NUP93: variants seen among roughly 807,000 people sequenced by gnomAD.
The protein encoded by NUP93 is nucleoporin 93.
A neutral mutation model predicts 107.8 loss-of-function variants in NUP93; 55 were observed. The ratio of observed to expected loss-of-function variants is 0.51; its 90% CI spans 0.41 to 0.64. The LOEUF is 0.64. Ranked by LOEUF, NUP93 falls within the 30% of genes least tolerant of loss-of-function variation. The pLI is 0.00. For missense variants in NUP93, 937 were observed against 1,044.7 expected, an observed-to-expected ratio of 0.90 and a Z score of 1.42; for synonymous variants, 390 against 397.5, an observed-to-expected ratio of 0.98 and a Z score of 0.22.
intron 7 of NUP93, among the ~76,000 whole-genome samples, chr16:56,823,131 C>T (rs1366357057): frequency 8.5e-5 from 13 of 152,250 alleles, no homozygotes; most frequent in South Asian, 6.2e-4. Flanking sequence ...AAAGAACACC[C>T]GCTCCTTTCC....
intron 3 of NUP93, among the ~76,000 whole-genome samples, chr16:56,773,096 C>T (rs1311591532): frequency 6.6e-6 from 1 of 152,172 alleles, no homozygotes; most frequent in Non-Finnish European, 1.5e-5. Context: ...TTGGTTTTTC[C>T]TCACAAGTAC....
At chr16:56,792,293 A>G (rs1238046893) in intron 3 of NUP93, among the ~76,000 whole-genome samples, 1 of 152,274 alleles carries the variant, frequency 6.6e-6, no homozygotes, top group East Asian at 1.9e-4. Flanking sequence ...CAAAAACTTG[A>G]CATTTGTTGT....
chr16:56,767,932 C>T (rs1446636314), intron 3 of NUP93, among the ~76,000 whole-genome samples: 3 of 152,136 alleles, frequency 2.0e-5, no homozygotes, highest in African/African-American at 7.2e-5. Flanking sequence ...CTTCTCAAAC[C>T]AGTTTTTTTC....
At chr16:56,758,714 G>A (rs1962071985) in intron 3 of NUP93, 59 bp downstream of exon 3, 4 of 1,177,322 alleles carry the variant, frequency 3.4e-6, no homozygotes, top group Non-Finnish European at 3.8e-6. Flanking sequence ...GAAGACCCTG[G>A]CCCTTTATTA....
intron 1 of NUP93, among the ~76,000 whole-genome samples, chr16:56,738,201 C>G (rs1035614083): frequency 2.0e-5 from 3 of 152,232 alleles, no homozygotes; most frequent in African/African-American, 7.2e-5. Context: ...CAGAGACGAT[C>G]CAGCCCCAGG....
intron 3 of NUP93, among the ~76,000 whole-genome samples, chr16:56,769,937 G>A (rs1482570473): frequency 1.3e-5 from 2 of 152,160 alleles, no homozygotes; most frequent in Non-Finnish European, 2.9e-5. Context: ...AGGGTATTAT[G>A]TGTATTTGGT....
intron 3 of NUP93, among the ~76,000 whole-genome samples, chr16:56,788,558 C>T (rs1442665662): frequency 6.6e-6 from 1 of 152,242 alleles, no homozygotes; most frequent in African/African-American, 2.4e-5. Context: ...TACGGAGTCT[C>T]AGAGCCCTTC....
At chr16:56,810,773 C>T (rs541551828) in intron 5 of NUP93, among the ~76,000 whole-genome samples, 14 of 151,970 alleles carry the variant, frequency 9.2e-5, no homozygotes, top group South Asian at 2.1e-4. Flanking sequence ...TGGTCACCAG[C>T]GCCCCAGAAA....
At chr16:56,819,033 G>A (rs1422947872) in intron 6 of NUP93, among the ~76,000 whole-genome samples, 2 of 152,224 alleles carry the variant, frequency 1.3e-5, no homozygotes, top group Admixed American at 1.3e-4. Flanking sequence ...TAACTGCGCT[G>A]CTTAGCAAAT....
At chr16:56,759,583 A>C (rs1392854898) in intron 3 of NUP93, among the ~76,000 whole-genome samples, 4 of 152,218 alleles carry the variant, frequency 2.6e-5, no homozygotes, top group Non-Finnish European at 5.9e-5. Context: ...CCAAAGTATG[A>C]GAATCCAGTT....
intron 3 of NUP93, among the ~76,000 whole-genome samples, chr16:56,780,872 G>C (rs1375155073): frequency 6.6e-6 from 1 of 152,154 alleles, no homozygotes; most frequent in African/African-American, 2.4e-5. Flanking sequence ...GCACCATGAT[G>C]ATGGCCCATC....
At chr16:56,740,178 C>A (rs1282070777) in intron 1 of NUP93, among the ~76,000 whole-genome samples, 1 of 148,322 alleles carries the variant, frequency 6.7e-6, no homozygotes, top group African/African-American at 2.5e-5. Flanking sequence ...AGACGCTCCT[C>A]ACTTCCCAGA....
chr16:56,819,303 C>T (rs1963497036), intron 6 of NUP93, among the ~76,000 whole-genome samples: 1 of 152,158 alleles, frequency 6.6e-6, no homozygotes, highest in Non-Finnish European at 1.5e-5. Context: ...TGGACTGAAA[C>T]CACCCTGAGG....
intron 4 of NUP93, among the ~76,000 whole-genome samples, chr16:56,801,117 G>A (rs918386421): frequency 6.6e-6 from 1 of 152,002 alleles, no homozygotes; most frequent in African/African-American, 2.4e-5. Context: ...CTTGTCTATT[G>A]AGTTTCTTCT....
At chr16:56,824,426 C>T (rs1204491926) in intron 8 of NUP93, among the ~76,000 whole-genome samples, 2 of 152,270 alleles carry the variant, frequency 1.3e-5, no homozygotes, top group East Asian at 1.9e-4. Context: ...AAGTATTGTT[C>T]CCTTCGTTAG....
chr16:56,781,952 A>G (rs549988204), intron 3 of NUP93: 5 of 985,302 alleles, frequency 5.1e-6, no homozygotes, highest in Middle Eastern at 5.2e-4. Flanking sequence ...GGACCCTGCA[A>G]TCTCATTGTT....
At chr16:56,733,343 T>G (rs1451811640) in intron 1 of NUP93, among the ~76,000 whole-genome samples, 1 of 151,982 alleles carries the variant, frequency 6.6e-6, no homozygotes, top group East Asian at 1.9e-4. Flanking sequence ...GGAGGTTGAT[T>G]GGAGGAACAA....
chr16:56,804,263 C>T (rs1963084618), intron 4 of NUP93, among the ~76,000 whole-genome samples: 2 of 152,146 alleles, frequency 1.3e-5, no homozygotes, highest in African/African-American at 2.4e-5. Flanking sequence ...TGTACACCCA[C>T]GTTTATAGCA....
intron 3 of NUP93, among the ~76,000 whole-genome samples, chr16:56,796,514 G>T (rs1251939976): frequency 6.6e-6 from 1 of 152,158 alleles, no homozygotes; most frequent in East Asian, 1.9e-4. Flanking sequence ...AATGATGCTT[G>T]ACTATATACT....
Sources: allele counts gnomAD v4.1 joint callset (sites outside exome capture counted in the v4.1 genomes callset), GRCh38; gene constraint gnomAD v4.1.1; transcripts MANE v1.5; gene names NCBI Gene and HGNC (gene_info 2026-07-23, HGNC 2026-07-21).